NRXN3: variants seen among roughly 807,000 people sequenced by gnomAD.
The protein encoded by NRXN3 is neurexin III.
A neutral mutation model predicts 137.6 loss-of-function variants in NRXN3; 32 were observed. The observed-to-expected ratio is 0.23, with a 90% CI of 0.18 to 0.31. The LOEUF (loss-of-function observed/expected upper bound fraction) is 0.31, where lower values mean the gene tolerates loss of function less well. NRXN3 is among the 10% of genes least tolerant of loss of function. The pLI, the probability that NRXN3 is intolerant of heterozygous loss-of-function variation, is 1.00. For missense variants in NRXN3, 1,574 were observed against 2,062.5 expected, an observed-to-expected ratio of 0.76 and a Z score of 4.59; for synonymous variants, 798 against 784.5, an observed-to-expected ratio of 1.02 and a Z score of -0.29.
chr14:78,496,578 C>A (rs2095789401), intron 4 of NRXN3, among the ~76,000 whole-genome samples: 1 of 151,970 alleles, frequency 6.6e-6, no homozygotes, highest in African/African-American at 2.4e-5. Context: ...GAAAAAATAT[C>A]CTTCCTTTTG....
Position 79,862,575 on chromosome 14 carries a change from T to C in NRXN3, c.*611T>C, listed in dbSNP as rs1220682530. 1 of 152,480 alleles carries C rather than the reference T, an allele frequency of 6.6e-6. No homozygotes were observed. The highest frequency in any genetic ancestry group is 1.5e-5 in the Non-Finnish European group (1 of 68,036). 9.4% of individuals were successfully genotyped at this position (152,480 alleles called of 1,614,324 possible). A position where few individuals can be genotyped will look rare whatever the true frequency, so the allele number is the denominator to read the frequency against. On this transcript the variant is annotated 3_prime_UTR_variant, in exon 21 of 21. Coordinates refer to ENST00000335750, the MANE Select transcript of NRXN3 (RefSeq NM_001330195.2). ...GAGGGGAAAAATGGCTTTTGGGTTT[T>C]TGTTTATTTTTTTGATAATGACTGG...
intron 10 of NRXN3, among the ~76,000 whole-genome samples, chr14:78,921,985 C>G (rs1433041928): frequency 6.6e-6 from 1 of 152,130 alleles, no homozygotes; most frequent in Non-Finnish European, 1.5e-5. Flanking sequence ...TCCTTTTGTT[C>G]TGGTTTATCT....
At chr14:78,195,596 G>A (rs1458860279) in intron 1 of NRXN3, among the ~76,000 whole-genome samples, 1 of 152,238 alleles carries the variant, frequency 6.6e-6, no homozygotes, top group Admixed American at 6.5e-5. Flanking sequence ...TGACATCTGA[G>A]CTAAGACTTG....
At chr14:79,378,022 A>C (rs1181157168) in intron 15 of NRXN3, among the ~76,000 whole-genome samples, 1 of 152,150 alleles carries the variant, frequency 6.6e-6, no homozygotes, top group Non-Finnish European at 1.5e-5. Context: ...CAAACCAAAA[A>C]AGGTTAAACA....
At chr14:79,501,960 AG>A (rs1448431767) in intron 16 of NRXN3, among the ~76,000 whole-genome samples, 4 of 152,226 alleles carry the variant, frequency 2.6e-5, no homozygotes, top group Admixed American at 2.0e-4. Context: ...TTTTAAAAAA[AG>A]ATGTAGAGGC....
intron 4 of NRXN3, among the ~76,000 whole-genome samples, chr14:78,445,231 A>G (rs2094385127): frequency 1.3e-5 from 2 of 152,192 alleles, no homozygotes; most frequent in African/African-American, 4.8e-5. Context: ...TGCTTGCAGC[A>G]TAGCACGTCT....
At chr14:79,299,898 G>A (rs574192125) in intron 15 of NRXN3, among the ~76,000 whole-genome samples, 10 of 152,018 alleles carry the variant, frequency 6.6e-5, no homozygotes, top group African/African-American at 1.2e-4. Context: ...TATATATTGC[G>A]GGATATTTGA....
intron 18 of NRXN3, 124 bp from the exon 19 acceptor site, chr14:79,697,506 C>G: frequency 1.1e-6 from 1 of 940,494 alleles, no homozygotes; most frequent in Non-Finnish European, 1.6e-6. Context: ...GTTTTGTTGT[C>G]TATTTTTTCC....
intron 15 of NRXN3, among the ~76,000 whole-genome samples, chr14:79,013,760 G>A (rs1480652313): frequency 6.6e-6 from 1 of 152,186 alleles, no homozygotes; most frequent in East Asian, 1.9e-4. Flanking sequence ...TAAAGTGAAT[G>A]TTGGTTTTCA....
chr14:78,727,621 G>C (rs896183173), intron 8 of NRXN3, among the ~76,000 whole-genome samples: 2 of 152,116 alleles, frequency 1.3e-5, no homozygotes, highest in Non-Finnish European at 2.9e-5. Flanking sequence ...TGTAATCCCA[G>C]CTACTTGGGA....
At chr14:78,940,062 G>C (rs2099350110) in intron 10 of NRXN3, among the ~76,000 whole-genome samples, 1 of 152,096 alleles carries the variant, frequency 6.6e-6, no homozygotes, top group African/African-American at 2.4e-5. Flanking sequence ...AGTACAGCAG[G>C]TTCTTGTAAG....
At chr14:79,702,198 G>A (rs1320418201) in intron 19 of NRXN3, among the ~76,000 whole-genome samples, 1 of 152,024 alleles carries the variant, frequency 6.6e-6, no homozygotes, top group African/African-American at 2.4e-5. Flanking sequence ...CATCTTTAAA[G>A]TTCTGTTTTA....
intron 19 of NRXN3, among the ~76,000 whole-genome samples, chr14:79,714,720 T>TTC (rs1332092930): frequency 6.6e-6 from 1 of 152,268 alleles, no homozygotes; most frequent in Non-Finnish European, 1.5e-5. Flanking sequence ...GTGTTTCTCT[T>TTC]TCTCTCTCTC....
chr14:79,060,555 A>G (rs1298635791), intron 15 of NRXN3, among the ~76,000 whole-genome samples: 2 of 152,078 alleles, frequency 1.3e-5, no homozygotes, highest in African/African-American at 2.4e-5. Context: ...TTTTTTTAGC[A>G]TAAAGTGCTG....
rs1366337599 is a variant in NRXN3, at chr14:79,435,537, G to C, written c.3263-31684G>C. Reference sequence around the variant, plus strand: ...ATCCCCTATCTCTATATTGAACCTGGCAATGAATACCTCTTTCTTTTCCTT... The same window carrying C: ...ATCCCCTATCTCTATATTGAACCTGCCAATGAATACCTCTTTCTTTTCCTT... On this transcript the variant is annotated intron_variant, in intron 15 of 20. Transcript: ENST00000335750. Among the ~76,000 whole-genome samples, 7 of 150,032 alleles carry C rather than the reference G, an allele frequency of 4.7e-5. No homozygotes were observed. In the South Asian group the frequency reaches 1.5e-3, roughly 32 times the overall value.
At chr14:79,218,873 A>T (rs1020580049) in intron 15 of NRXN3, among the ~76,000 whole-genome samples, 16 of 152,236 alleles carry the variant, frequency 1.1e-4, no homozygotes, top group African/African-American at 3.9e-4. Context: ...ATCAGCATTT[A>T]TAAAACTTTA....
intron 15 of NRXN3, among the ~76,000 whole-genome samples, chr14:79,303,485 CCTT>C (rs1694314019): frequency 2.0e-5 from 3 of 152,110 alleles, no homozygotes; most frequent in African/African-American, 7.2e-5. Context: ...ATGGGGAATG[CCTT>C]CTTTGCTTCT....
intron 4 of NRXN3, among the ~76,000 whole-genome samples, chr14:78,333,737 T>C (rs2081114894): frequency 6.6e-6 from 1 of 152,130 alleles, no homozygotes; most frequent in African/African-American, 2.4e-5. Context: ...GTGGGGGGCA[T>C]ATTTTATAAG....
chr14:79,525,386 A>T, intron 16 of NRXN3, among the ~76,000 whole-genome samples: 1 of 152,186 alleles, frequency 6.6e-6, no homozygotes, highest in Non-Finnish European at 1.5e-5. Flanking sequence ...ACCTGCATGG[A>T]GGGCACAAAT....
Sources: gnomAD v4.1 joint callset for allele counts (sites outside exome capture counted in the v4.1 genomes callset) on GRCh38, gnomAD v4.1.1 for gene constraint, MANE v1.5 for transcripts, NCBI Gene and HGNC (gene_info 2026-07-23, HGNC 2026-07-21) for gene names.